The following KCMF1 variants were observed in gnomAD, a reference collection of about 807,000 sequenced individuals.
KCMF1 encodes E3 ubiquitin-protein ligase KCMF1.
Under a neutral mutation model 41.1 loss-of-function variants are expected in KCMF1, and 3 were observed. The ratio of observed to expected loss-of-function variants is 0.07; its 90% confidence interval spans 0.03 to 0.19. The LOEUF (loss-of-function observed/expected upper bound fraction) is 0.19. Among genes scored for constraint, KCMF1 ranks in the 10% least tolerant of loss-of-function variants. The probability of loss-of-function intolerance (pLI) is 1.00; values close to 1 mark genes in which losing one functional copy is unlikely to be tolerated. For synonymous variants in KCMF1, 142 were observed against 164.5 expected, an observed-to-expected ratio of 0.86 and a Z score of 1.04; for missense variants, 286 against 488.9, an observed-to-expected ratio of 0.58 and a Z score of 3.91.
intron 1 of KCMF1, among the ~76,000 whole-genome samples, chr2:84,998,769 AT>A (rs113414718): frequency 0.045 from 6,180 of 138,450 alleles, 188 homozygotes; most frequent in African/African-American, 0.095. Context: ...CGCCCAATTA[AT>A]TTTTTTTTTT....
chr2:85,036,407 C>A (rs1374051054), intron 3 of KCMF1, among the ~76,000 whole-genome samples: 7 of 152,194 alleles, frequency 4.6e-5, no homozygotes, highest in African/African-American at 1.7e-4. Flanking sequence ...AACTTGCAGT[C>A]ATTTTTCTTT....
intron 1 of KCMF1, among the ~76,000 whole-genome samples, chr2:84,981,610 A>T (rs1231267942): frequency 6.6e-6 from 1 of 152,136 alleles, no homozygotes; most frequent in Non-Finnish European, 1.5e-5. Context: ...TTAGAGTACT[A>T]GGTTGATGAG....
At chr2:85,044,810 G>A (rs186143891) in intron 4 of KCMF1, among the ~76,000 whole-genome samples, 167 of 152,310 alleles carry the variant, frequency 1.1e-3, no homozygotes, top group African/African-American at 3.5e-3. Context: ...GAGCCACCAC[G>A]CCCAGCCTCT....
At chr2:84,998,960 ATCTATCTGTCTG>A (rs1220039130) in intron 1 of KCMF1, among the ~76,000 whole-genome samples, 20 of 107,568 alleles carry the variant, frequency 1.9e-4, no homozygotes, top group African/African-American at 3.1e-4. Flanking sequence ...CTATCTATCT[ATCTATCTGTCTG>A]TCTGTCTATC....
intron 3 of KCMF1, among the ~76,000 whole-genome samples, chr2:85,036,790 CT>C (rs1675411462): frequency 6.7e-6 from 1 of 149,262 alleles, no homozygotes; most frequent in Non-Finnish European, 1.5e-5. Context: ...GAACAAGACC[CT>C]GTCTCCAAAA....
chr2:85,016,039 G>A (rs1674760459), intron 1 of KCMF1, among the ~76,000 whole-genome samples: 1 of 152,188 alleles, frequency 6.6e-6, no homozygotes, highest in Middle Eastern at 3.2e-3. Flanking sequence ...AAAAAAAGTA[G>A]AAAAGCCGAT....
intron 1 of KCMF1, among the ~76,000 whole-genome samples, chr2:84,992,274 G>A (rs1444192766): frequency 6.6e-6 from 1 of 151,834 alleles, no homozygotes; most frequent in East Asian, 1.9e-4. Flanking sequence ...TTCTTTTTTT[G>A]AGATGGAATC....
chr2:84,978,298 T>C (rs941178642), intron 1 of KCMF1, among the ~76,000 whole-genome samples: 6 of 152,046 alleles, frequency 3.9e-5, no homozygotes, highest in African/African-American at 1.4e-4. Context: ...TGCCCAGCCT[T>C]AGCAGCAGTC....
intron 1 of KCMF1, among the ~76,000 whole-genome samples, chr2:84,986,859 G>T (rs1673912946): frequency 6.6e-6 from 1 of 152,130 alleles, no homozygotes; most frequent in Non-Finnish European, 1.5e-5. Context: ...TCCAGCCTGG[G>T]CGACACAGTG....
At chr2:85,001,774 T>A (rs1674334842) in intron 1 of KCMF1, among the ~76,000 whole-genome samples, 1 of 152,212 alleles carries the variant, frequency 6.6e-6, no homozygotes, top group South Asian at 2.1e-4. Context: ...CGATCACATG[T>A]TGCCTAGCAA....
intron 1 of KCMF1, among the ~76,000 whole-genome samples, chr2:85,017,375 CAG>C (rs1674801584): frequency 2.0e-5 from 3 of 152,248 alleles, no homozygotes; most frequent in Admixed American, 2.0e-4. Context: ...TGCTTAAATG[CAG>C]AGTCTCTTCT....
intron 1 of KCMF1, among the ~76,000 whole-genome samples, chr2:84,994,205 C>G (rs528557728): frequency 6.6e-6 from 1 of 152,208 alleles, no homozygotes; most frequent in South Asian, 2.1e-4. Flanking sequence ...ATCTCGGCCT[C>G]CCAAAGTGCT....
intron 2 of KCMF1, among the ~76,000 whole-genome samples, chr2:85,028,382 A>G (rs1675167370): frequency 6.7e-6 from 1 of 148,872 alleles, no homozygotes; most frequent in Non-Finnish European, 1.5e-5. Flanking sequence ...ACAGGGTTTC[A>G]CCACGTTGGC....
At chr2:84,988,819 C>G (rs892114576) in intron 1 of KCMF1, among the ~76,000 whole-genome samples, 3 of 152,314 alleles carry the variant, frequency 2.0e-5, no homozygotes, top group Middle Eastern at 3.4e-3. Flanking sequence ...TGGAGAACCA[C>G]ATAGCAAATG....
At chr2:85,052,087 G>C (rs1675821545) in intron 6 of KCMF1, among the ~76,000 whole-genome samples, 3 of 152,068 alleles carry the variant, frequency 2.0e-5, no homozygotes, top group Admixed American at 2.0e-4. Flanking sequence ...GTCTTTTTTT[G>C]AGATAGAATT....
chr2:84,973,993 A>G (rs562098908), intron 1 of KCMF1, among the ~76,000 whole-genome samples: 3 of 150,686 alleles, frequency 2.0e-5, no homozygotes, highest in Non-Finnish European at 4.4e-5. Context: ...ACACCCATCC[A>G]ATTTTTGTAT....
intron 1 of KCMF1, among the ~76,000 whole-genome samples, chr2:84,989,843 AG>A (rs1476548629): frequency 1.3e-5 from 2 of 152,192 alleles, no homozygotes; most frequent in Non-Finnish European, 2.9e-5. Context: ...AGAGATGTCC[AG>A]GGGGATTTGA....
intron 3 of KCMF1, among the ~76,000 whole-genome samples, chr2:85,043,280 T>A (rs183396221): frequency 2.8e-4 from 42 of 152,102 alleles, no homozygotes; most frequent in East Asian, 1.9e-3. Context: ...AAGTTTTTTT[T>A]AATGGAAACT....
At chr2:85,042,966 C>A (rs1478113831) in intron 3 of KCMF1, among the ~76,000 whole-genome samples, 1 of 152,180 alleles carries the variant, frequency 6.6e-6, no homozygotes, top group African/African-American at 2.4e-5. Context: ...AAGCTTCTGG[C>A]CTACCACCCC....
Sources: gnomAD v4.1 joint callset for allele counts (sites outside exome capture counted in the v4.1 genomes callset) on GRCh38, gnomAD v4.1.1 for gene constraint, MANE v1.5 for transcripts, NCBI Gene and HGNC (gene_info 2026-07-23, HGNC 2026-07-21) for gene names.